The following CLIP4 variants were observed in gnomAD, a reference collection of about 807,000 sequenced individuals.
CLIP4 encodes CAP-Gly domain containing linker protein family member 4.
Under a neutral mutation model 73.1 loss-of-function variants are expected in CLIP4, and 47 were observed. The observed-to-expected ratio is 0.64, with a 90% CI of 0.51 to 0.82. The LOEUF (loss-of-function observed/expected upper bound fraction) is 0.82, where lower values mean the gene tolerates loss of function less well. CLIP4 is among the 40% of genes least tolerant of loss of function. CLIP4 has a pLI of 0.00. For synonymous variants in CLIP4, 306 were observed against 295.4 expected, an observed-to-expected ratio of 1.04 and a Z score of -0.37; for missense variants, 874 against 852.9, an observed-to-expected ratio of 1.02 and a Z score of -0.31.
At chr2:29,123,529 G>C (rs920168886) in intron 2 of CLIP4, among the ~76,000 whole-genome samples, 11 of 152,314 alleles carry the variant, frequency 7.2e-5, no homozygotes, top group African/African-American at 2.6e-4. Context: ...AGATGGGGTG[G>C]TCATTCGGAG....
chr2:29,134,986 C>A (rs1437379324), intron 5 of CLIP4, among the ~76,000 whole-genome samples: 1 of 151,946 alleles, frequency 6.6e-6, no homozygotes, highest in East Asian at 1.9e-4. Flanking sequence ...CTGTAAAGGG[C>A]CAGCTACTAA....
chr2:29,121,409 A>G lies in CLIP4; in HGVS notation c.21A>G (p.Pro7=), dbSNP rs769781178. 2.5e-6 allele frequency: 4 copies of G among 1,613,486 alleles called. No homozygotes were observed. In the African/African-American group the frequency reaches 5.3e-5, roughly 22 times the overall value. The change falls in exon 2 of 16, where the codon CCA becomes CCG. Residue 7 remains proline, a synonymous_variant. Coordinates refer to ENST00000320081, the MANE Select transcript of CLIP4 (RefSeq NM_024692.6). The part of the protein sequence containing the change: MTIEDL[P]DFPLEGNPLF... ...AGAAGATGACCATAGAGGACCTTCC[A>G]GATTTTCCATTAGAAGGAAATCCTT...
chr2:29,121,345 A>G, intron 1 of CLIP4, 29 bp from the exon 2 acceptor site: 1 of 1,564,418 alleles, frequency 6.4e-7, no homozygotes, highest in South Asian at 1.2e-5. Context: ...AATAAAGTAG[A>G]AACACTTTTT....
At chr2:29,111,425 T>C (rs1668384412), upstream of CLIP4, among the ~76,000 whole-genome samples, 2 of 152,206 alleles carry the variant, frequency 1.3e-5, no homozygotes, top group South Asian at 4.1e-4. Context: ...CACTGTACGT[T>C]AGGACTTTTC....
rs544232515 is a variant in CLIP4, at chr2:29,123,191, A to G, written c.133+1670A>G. ...CTTAGCCTGAAACTCCTTAGGCTAC[A>G]CATTTCTGTTTCCTTCACCAGTTTC... is the stretch of plus-strand genomic sequence containing the variant. On this transcript the variant is annotated intron_variant, in intron 2 of 15. Coordinates refer to ENST00000320081, the MANE Select transcript of CLIP4 (RefSeq NM_024692.6). 2.2e-4 allele frequency among the ~76,000 whole-genome samples: 34 copies of G among 152,354 alleles called. No homozygotes were observed. In the South Asian group the frequency reaches 7.0e-3, roughly 32 times the overall value.
intron 1 of CLIP4, among the ~76,000 whole-genome samples, chr2:29,103,407 C>T (rs1572849739): frequency 6.6e-6 from 1 of 151,676 alleles, no homozygotes; most frequent in South Asian, 2.1e-4. Flanking sequence ...TTCAGTATTT[C>T]ATTCTATGCT....
intron 4 of CLIP4, among the ~76,000 whole-genome samples, chr2:29,133,082 C>G (rs532145117): frequency 2.0e-5 from 3 of 152,082 alleles, no homozygotes; most frequent in African/African-American, 7.2e-5. Context: ...CAGCTGCTTG[C>G]GAGGCCGAGG....
intron 1 of CLIP4, chr2:29,097,959 T>C (rs1667923541): frequency 6.6e-6 from 1 of 152,242 alleles, no homozygotes; most frequent in Non-Finnish European, 1.5e-5. Flanking sequence ...TAAGTCTCAC[T>C]AGAAAACCAA....
upstream of CLIP4, among the ~76,000 whole-genome samples, chr2:29,111,658 G>C (rs1668389409): frequency 6.6e-6 from 1 of 152,162 alleles, no homozygotes; most frequent in Non-Finnish European, 1.5e-5. Context: ...TTTGTGAAAA[G>C]TTCCTCATGC....
chr2:29,160,980 AT>A lies in CLIP4; in HGVS notation c.1534+524del, dbSNP rs559857371. ...TTTCCAAAAGTAAAGATTACTTTCT[AT>A]TTTTTTTTTTGAGACGGAGCTTCGC... On this transcript the variant is annotated intron_variant, in intron 12 of 15. Transcript: ENST00000320081. Among the ~76,000 whole-genome samples the A allele has an allele frequency of 6.6e-3, 984 of 148,154 alleles. 10 individuals carry two copies. Among genetic ancestry groups the A allele is most frequent in the African/African-American group, 0.022 (906 of 40,644 alleles).
At chr2:29,180,574 G>A (rs1180958522) in intron 15 of CLIP4, among the ~76,000 whole-genome samples, 1 of 152,082 alleles carries the variant, frequency 6.6e-6, no homozygotes, top group Non-Finnish European at 1.5e-5. Context: ...ATACATATGT[G>A]TATAGATATT....
chr2:29,135,891 AG>A (rs1204556173), intron 6 of CLIP4, among the ~76,000 whole-genome samples: 2 of 152,176 alleles, frequency 1.3e-5, no homozygotes, highest in Non-Finnish European at 2.9e-5. Flanking sequence ...AGGAAAGTAA[AG>A]TCTTCCTTTA....
At chr2:29,126,843 T>G (rs1664640898) in intron 2 of CLIP4, among the ~76,000 whole-genome samples, 1 of 152,140 alleles carries the variant, frequency 6.6e-6, no homozygotes, top group Admixed American at 6.5e-5. Context: ...AAGGACAGTT[T>G]TAAGAATTTG....
rs1422827146 is a variant in CLIP4 at position 29,132,139 on chromosome 2, T to C, written c.274-13T>C. 2 of 1,608,706 alleles carry C rather than the reference T, an allele frequency of 1.2e-6. No individual in the cohort carries two copies. The highest frequency in any genetic ancestry group is 1.7e-6 in the Non-Finnish European group (2 of 1,175,440). ...TAGTTAGGTTGTAACCATATTTTCC[T>C]TGACTGCTTCAGATTCTTAAGAGAG... On this transcript the variant is annotated splice_polypyrimidine_tract_variant and intron_variant, in intron 3 of 15. Coordinates refer to ENST00000320081, the MANE Select transcript of CLIP4 (RefSeq NM_024692.6).
chr2:29,123,154 T>G (rs1405787962), intron 2 of CLIP4, among the ~76,000 whole-genome samples: 1 of 152,222 alleles, frequency 6.6e-6, no homozygotes, highest in African/African-American at 2.4e-5. Context: ...GCAGATAGTT[T>G]GAACATTTTA....
chr2:29,164,016 A>G, intron 13 of CLIP4, 62 bp downstream of exon 13: 2 of 1,362,060 alleles, frequency 1.5e-6, no homozygotes, highest in South Asian at 1.3e-5. Flanking sequence ...TGGTTAATAG[A>G]GACACTAATT....
rs1175256703 is a variant in CLIP4 at position 29,131,340 on chromosome 2, C to T, written c.216C>T (p.Ala72=). ...DPKTSVSELF[A]ILRQWVPQVQ... is the part of the protein sequence containing the mutation. Reference sequence around the variant, plus strand: ...AAACTTCAGTTTCAGAATTATTTGCCATTTTGAGACAGTGGGTTCCTCAGG... The same window carrying T: ...AAACTTCAGTTTCAGAATTATTTGCTATTTTGAGACAGTGGGTTCCTCAGG... Residue 72 remains alanine, a synonymous_variant, in exon 3 of 16, where the codon GCC becomes GCT. Transcript: ENST00000320081. The T allele has an allele frequency of 6.2e-6, 10 of 1,610,016 alleles. No individual in the cohort carries two copies. Among genetic ancestry groups the T allele is most frequent in the Non-Finnish European group, 8.5e-6 (10 of 1,178,402 alleles).
At chr2:29,150,365 C>T (rs1666473367) in intron 8 of CLIP4, among the ~76,000 whole-genome samples, 1 of 152,178 alleles carries the variant, frequency 6.6e-6, no homozygotes, top group Non-Finnish European at 1.5e-5. Flanking sequence ...TGAAAAGTGT[C>T]CTTCAGTGAC....
At chr2:29,158,583 A>G (rs1349206475) in intron 11 of CLIP4, among the ~76,000 whole-genome samples, 1 of 152,166 alleles carries the variant, frequency 6.6e-6, no homozygotes, top group Admixed American at 6.5e-5. Context: ...ATGTACTTAA[A>G]ACATGTTTCT....
Sources: gnomAD v4.1 joint callset for allele counts (sites outside exome capture counted in the v4.1 genomes callset) on GRCh38, gnomAD v4.1.1 for gene constraint, MANE v1.5 for transcripts, NCBI Gene and HGNC (gene_info 2026-07-23, HGNC 2026-07-21) for gene names.